The following WDR49 variants were observed in gnomAD, a reference collection of about 807,000 sequenced individuals.
WDR49 encodes cilia- and flagella-associated protein 337.
Under a neutral mutation model 119.5 loss-of-function variants are expected in WDR49, and 107 were observed. That is an observed-to-expected ratio of 0.90 (90% CI 0.77 to 1.05). The LOEUF (loss-of-function observed/expected upper bound fraction) is 1.05, where lower values mean the gene tolerates loss of function less well. Ranked by LOEUF, WDR49 falls within the 50% of genes least tolerant of loss-of-function variation. The pLI is 0.00. For missense variants in WDR49, 1,240 were observed against 1,220.5 expected, an observed-to-expected ratio of 1.02 and a Z score of -0.24; for synonymous variants, 425 against 418.8, an observed-to-expected ratio of 1.01 and a Z score of -0.18.
At chr3:167,590,609 AT>A (rs1715061224) in intron 7 of WDR49, among the ~76,000 whole-genome samples, 1 of 151,844 alleles carries the variant, frequency 6.6e-6, no homozygotes, top group Non-Finnish European at 1.5e-5. Flanking sequence ...GGTTTTGAAA[AT>A]TTTTATGGTT....
In WDR49 at chr3:167,576,116, G is replaced by T. The variant is rs756088028; in HGVS notation, c.1311C>A (p.Ser437=). ...GGAAAGAACAAGCTATCCTCTGGAT[G>T]GACAGCTGGTGTTGAATATCCCAGA... ...LRLWDIQHQL[S]IQRIACSFPK... is the part of the protein sequence containing the mutation. The change falls in exon 8 of 19, where the codon TCC becomes TCA. Residue 437 remains serine, a synonymous_variant. Coordinates refer to ENST00000682715, the MANE Select transcript of WDR49 (RefSeq NM_001366157.1). 6.2e-6 allele frequency: 10 copies of T among 1,614,050 alleles called. No individual in the cohort carries two copies. The South Asian group carries it at 9.9e-5, about 16-fold the overall frequency.
intron 10 of WDR49, among the ~76,000 whole-genome samples, chr3:167,549,501 G>A (rs531128485): frequency 6.6e-6 from 1 of 152,100 alleles, no homozygotes; most frequent in Non-Finnish European, 1.5e-5. Context: ...CTTTTGAGAA[G>A]TGTCTATTCA....
chr3:167,561,792 T>G (rs983172826), intron 8 of WDR49, among the ~76,000 whole-genome samples: 1 of 152,082 alleles, frequency 6.6e-6, no homozygotes, highest in Non-Finnish European at 1.5e-5. Context: ...AACGACAAAA[T>G]TGAGTTTGTA....
At chr3:167,551,604 G>A (rs1712576709) in intron 10 of WDR49, among the ~76,000 whole-genome samples, 3 of 151,946 alleles carry the variant, frequency 2.0e-5, no homozygotes, top group African/African-American at 7.3e-5. Flanking sequence ...TGTCACCTTG[G>A]CTGAGCTACC....
chr3:167,572,956 C>T (rs1714020750), intron 8 of WDR49, among the ~76,000 whole-genome samples: 2 of 152,162 alleles, frequency 1.3e-5, no homozygotes. Flanking sequence ...AACTGCAGTT[C>T]AGGGTACCCT....
At chr3:167,556,674 T>G (rs1019377582) in intron 9 of WDR49, among the ~76,000 whole-genome samples, 3 of 151,982 alleles carry the variant, frequency 2.0e-5, no homozygotes, top group Non-Finnish European at 4.4e-5. Context: ...TCACTTGAGG[T>G]CAGGAGTTTG....
At chr3:167,646,697 T>C (rs1164733894) in intron 2 of WDR49, among the ~76,000 whole-genome samples, 1 of 152,152 alleles carries the variant, frequency 6.6e-6, no homozygotes, top group African/African-American at 2.4e-5. Flanking sequence ...GTAGCAAAAC[T>C]AGTGTGATAA....
intron 8 of WDR49, chr3:167,567,040 C>A (rs1044584478): frequency 2.3e-6 from 1 of 442,040 alleles, no homozygotes; most frequent in South Asian, 6.4e-5. Flanking sequence ...TAATTTCTGT[C>A]GGACTTTTTG....
chr3:167,512,926 C>T (rs1221680676), intron 16 of WDR49, among the ~76,000 whole-genome samples: 1 of 152,010 alleles, frequency 6.6e-6, no homozygotes, highest in Non-Finnish European at 1.5e-5. Flanking sequence ...TGAAAAAGAA[C>T]AAATGAAGCC....
At chr3:167,615,981 A>C (rs903815795) in intron 5 of WDR49, among the ~76,000 whole-genome samples, 2 of 152,244 alleles carry the variant, frequency 1.3e-5, no homozygotes, top group Admixed American at 1.3e-4. Context: ...CAAAGTGAAC[A>C]TGATAATAAA....
chr3:167,555,111 G>A (rs1712847339), intron 9 of WDR49, among the ~76,000 whole-genome samples: 1 of 152,028 alleles, frequency 6.6e-6, no homozygotes, highest in East Asian at 1.9e-4. Flanking sequence ...GAAACGCCAA[G>A]GCATAATTAG....
chr3:167,573,833 G>A (rs1259167607), intron 8 of WDR49, among the ~76,000 whole-genome samples: 1 of 152,044 alleles, frequency 6.6e-6, no homozygotes, highest in Non-Finnish European at 1.5e-5. Context: ...TAACTCCCAC[G>A]ATGTCTGCAA....
At chr3:167,564,749 T>A (rs190208360) in intron 8 of WDR49, among the ~76,000 whole-genome samples, 5 of 152,280 alleles carry the variant, frequency 3.3e-5, no homozygotes, top group Admixed American at 2.0e-4. Flanking sequence ...GGAATATGTG[T>A]CTCCTTTTTG....
At chr3:167,564,993 AT>A (rs750734039) in intron 8 of WDR49, among the ~76,000 whole-genome samples, 225 of 151,406 alleles carry the variant, frequency 1.5e-3, no homozygotes, top group African/African-American at 2.7e-3. Flanking sequence ...GCTGTTTATA[AT>A]TTTTTTTTGT....
At chr3:167,603,469 G>A (rs1414755726) in intron 6 of WDR49, among the ~76,000 whole-genome samples, 2 of 152,078 alleles carry the variant, frequency 1.3e-5, no homozygotes, top group East Asian at 3.9e-4. Context: ...ATCTGTTACT[G>A]TGATTGTCAG....
At chr3:167,498,413 TC>T (rs1299402153) in intron 18 of WDR49, among the ~76,000 whole-genome samples, 1 of 151,874 alleles carries the variant, frequency 6.6e-6, no homozygotes, top group African/African-American at 2.4e-5. Flanking sequence ...AATACCCTAT[TC>T]ACAGAGAAGA....
chr3:167,633,447 C>T (rs756148985), intron 2 of WDR49: 12 of 456,014 alleles, frequency 2.6e-5, no homozygotes, highest in South Asian at 1.1e-4. Context: ...TATACAAGAG[C>T]GACATTTCAT....
chr3:167,617,927 C>G (rs949490012), intron 5 of WDR49, among the ~76,000 whole-genome samples: 2 of 152,180 alleles, frequency 1.3e-5, no homozygotes, highest in Admixed American at 6.5e-5. Flanking sequence ...TAAACTTTTC[C>G]TAAATACTGT....
intron 18 of WDR49, among the ~76,000 whole-genome samples, chr3:167,490,354 T>C (rs562199393): frequency 6.6e-6 from 1 of 152,150 alleles, no homozygotes; most frequent in Non-Finnish European, 1.5e-5. Context: ...TAAATAAAAA[T>C]GTAGAGCAAT....
Sources: allele counts gnomAD v4.1 joint callset (sites outside exome capture counted in the v4.1 genomes callset), GRCh38; gene constraint gnomAD v4.1.1; transcripts MANE v1.5; gene names NCBI Gene and HGNC (gene_info 2026-07-23, HGNC 2026-07-21).